Variants in DNAH11 observed in about 807,000 individuals in gnomAD.
The protein encoded by DNAH11 is axonemal beta dynein heavy chain 11.
A neutral mutation model predicts 526.0 loss-of-function variants in DNAH11; 442 were observed. The observed-to-expected ratio is 0.84, with a 90% CI of 0.78 to 0.91. DNAH11 has a LOEUF of 0.91. Among genes scored for constraint, DNAH11 ranks in the 40% least tolerant of loss-of-function variants. DNAH11 has a pLI of 0.00. For missense variants in DNAH11, 6,989 were observed against 5,448.7 expected (o/e 1.28, Z -8.90); for synonymous variants, 2,461 against 1,935.9 (o/e 1.27, Z -7.12).
chr7:21,788,800 T>A lies in DNAH11; in HGVS notation c.9925-441T>A, dbSNP rs542858799. On this transcript the variant is annotated intron_variant, in intron 60 of 81. Transcript: ENST00000409508. ...GGCTATAGTTCCTGCACAATGCAATTTCTAGTAATATGAGGCGTATCTTCA... is the reference window on the plus strand; with the variant it reads ...GGCTATAGTTCCTGCACAATGCAATATCTAGTAATATGAGGCGTATCTTCA... Among the ~76,000 whole-genome samples, 20 of 152,342 alleles carry A rather than the reference T, an allele frequency of 1.3e-4. No homozygotes were observed. In the South Asian group the frequency reaches 2.5e-3, roughly 19 times the overall value.
intron 30 of DNAH11, among the ~76,000 whole-genome samples, chr7:21,667,693 TTAGAG>T (rs1174990598): frequency 2.0e-5 from 3 of 152,142 alleles, no homozygotes; most frequent in Non-Finnish European, 4.4e-5. Context: ...ATTTTGCAGT[TTAGAG>T]AAGGAATCAA....
At chr7:21,698,615 C>T (rs1421439325) in intron 36 of DNAH11, among the ~76,000 whole-genome samples, 2 of 152,178 alleles carry the variant, frequency 1.3e-5, no homozygotes, top group South Asian at 2.1e-4. Flanking sequence ...ATGGTCTCCA[C>T]CTCCATCCAG....
intron 2 of DNAH11, among the ~76,000 whole-genome samples, chr7:21,545,732 G>C (rs1782782947): frequency 6.6e-6 from 1 of 152,202 alleles, no homozygotes; most frequent in Admixed American, 6.5e-5. Flanking sequence ...AGAACTGCCT[G>C]GGGATTTTGT....
intron 60 of DNAH11, 128 bp downstream of exon 60, chr7:21,787,711 A>G (rs1583695031): frequency 1.3e-6 from 1 of 750,670 alleles, no homozygotes; most frequent in East Asian, 2.9e-5. Flanking sequence ...TAGTTCTAAG[A>G]CTAAGACATG....
intron 35 of DNAH11, among the ~76,000 whole-genome samples, chr7:21,691,457 A>C (rs1405321548): frequency 6.6e-6 from 1 of 151,918 alleles, no homozygotes; most frequent in Non-Finnish European, 1.5e-5. Context: ...CATTCGTTCA[A>C]ATCTGACGGG....
At chr7:21,576,575 G>A (rs566136603) in intron 8 of DNAH11, among the ~76,000 whole-genome samples, 7 of 152,272 alleles carry the variant, frequency 4.6e-5, no homozygotes, top group African/African-American at 1.7e-4. Flanking sequence ...CTTATAAACA[G>A]CTCTTTTGAA....
intron 42 of DNAH11, among the ~76,000 whole-genome samples, chr7:21,717,150 T>A (rs1784696266): frequency 6.6e-6 from 1 of 152,088 alleles, no homozygotes; most frequent in Non-Finnish European, 1.5e-5. Flanking sequence ...ATTTTACTAA[T>A]ACATTAAGGA....
At chr7:21,772,672 GT>G (rs1787489714) in intron 55 of DNAH11, among the ~76,000 whole-genome samples, 1 of 152,046 alleles carries the variant, frequency 6.6e-6, no homozygotes, top group Admixed American at 6.5e-5. Context: ...TTTAACTTTT[GT>G]TTTAGTAATA....
chr7:21,871,386 G>A (rs1167987290), intron 73 of DNAH11, among the ~76,000 whole-genome samples: 3 of 152,202 alleles, frequency 2.0e-5, no homozygotes, highest in African/African-American at 7.2e-5. Context: ...CAGTCCCAAA[G>A]CCAGTACCCT....
intron 25 of DNAH11, among the ~76,000 whole-genome samples, chr7:21,622,689 AC>A (rs1158032875): frequency 6.6e-6 from 1 of 152,200 alleles, no homozygotes; most frequent in Non-Finnish European, 1.5e-5. Context: ...CTGATCTTTG[AC>A]AAACCTGAGA....
chr7:21,808,140 C>T (rs551201352), intron 63 of DNAH11, 91 bp downstream of exon 63: 37 of 1,084,508 alleles, frequency 3.4e-5, no homozygotes, highest in African/African-American at 1.8e-4. Flanking sequence ...CGCTTTTGGA[C>T]GTCTGTAATG....
chr7:21,545,233 AAAG>A (rs1437441731), intron 2 of DNAH11, 84 bp downstream of exon 2: 8 of 1,178,174 alleles, frequency 6.8e-6, no homozygotes, highest in Non-Finnish European at 8.0e-6. Flanking sequence ...ATAATTAAAA[AAAG>A]AAGAGCTAGG....
intron 34 of DNAH11, among the ~76,000 whole-genome samples, chr7:21,688,919 G>A (rs189692384): frequency 4.5e-4 from 68 of 152,244 alleles, no homozygotes; most frequent in Non-Finnish European, 7.4e-5. Context: ...GCCCACCTGT[G>A]CCCCCTTAGT....
intron 25 of DNAH11, among the ~76,000 whole-genome samples, chr7:21,634,436 G>A (rs1186929723): frequency 2.6e-5 from 4 of 152,184 alleles, no homozygotes; most frequent in Non-Finnish European, 5.9e-5. Flanking sequence ...GAGAAGTCAA[G>A]GCATGAGGTT....
chr7:21,899,688 T>C (rs147890866), intron 80 of DNAH11, among the ~76,000 whole-genome samples: 17 of 152,250 alleles, frequency 1.1e-4, no homozygotes, highest in African/African-American at 3.6e-4. Context: ...CACGGTGTGC[T>C]CTTATTAAAC....
At position 21,884,427 on chromosome 7, in the gene DNAH11, T is replaced by C. The variant is rs1336495248; in HGVS notation, c.12507+17T>C. ...CCATCTCTGGTAAGACATTTGTAAA[T>C]TAATTTGTAAATAAATTTCACTGAG... is the stretch of plus-strand genomic sequence containing the variant. On this transcript the variant is annotated intron_variant, in intron 76 of 81. Transcript: ENST00000409508. The C allele has an allele frequency of 6.3e-7, 1 of 1,586,642 alleles. No homozygotes were observed. Among genetic ancestry groups the C allele is most frequent in the South Asian group, 1.2e-5 (1 of 85,078 alleles).
At chr7:21,688,809 C>G (rs180981528) in intron 34 of DNAH11, among the ~76,000 whole-genome samples, 1 of 147,292 alleles carries the variant, frequency 6.8e-6, no homozygotes, top group East Asian at 2.5e-4. Context: ...CTGGCACTTA[C>G]GTTTGATGGC....
At chr7:21,702,677 A>G (rs1784114101) in intron 36 of DNAH11, 33 bp from the exon 37 acceptor site, 3 of 1,589,740 alleles carry the variant, frequency 1.9e-6, no homozygotes, top group Non-Finnish European at 2.6e-6. Flanking sequence ...CCCTCATACA[A>G]TTTTTGAGAA....
intron 50 of DNAH11, 33 bp downstream of exon 50, chr7:21,744,632 C>T (rs776362109): frequency 4.4e-6 from 7 of 1,606,310 alleles, no homozygotes; most frequent in Admixed American, 1.7e-5. Context: ...TCACTACTTA[C>T]TCCAACACCA....
Sources: allele counts gnomAD v4.1 joint callset (sites outside exome capture counted in the v4.1 genomes callset), GRCh38; gene constraint gnomAD v4.1.1; transcripts MANE v1.5; gene names NCBI Gene and HGNC (gene_info 2026-07-23, HGNC 2026-07-21).